Variants in MLXIP observed in about 807,000 individuals in gnomAD.
MLXIP encodes MLX-interacting protein.
MLXIP carries 30 observed loss-of-function variants against 87.2 expected under a neutral mutation model. The observed-to-expected ratio is 0.34, with a 90% CI of 0.26 to 0.47. MLXIP has a LOEUF of 0.47. Among genes scored for constraint, MLXIP ranks in the 20% least tolerant of loss-of-function variants. MLXIP has a pLI of 1.00. For synonymous variants in MLXIP, 530 were observed against 514.0 expected (o/e 1.03, Z -0.42); for missense variants, 1,002 against 1,240.1 (o/e 0.81, Z 2.88).
chr12:122,132,260 G>C (rs376525630), intron 7 of MLXIP, 32 bp from the exon 8 acceptor site: 3 of 1,536,294 alleles, frequency 2.0e-6, no homozygotes, highest in Non-Finnish European at 2.7e-6. Context: ...TGGGCACACT[G>C]AGCTCAGAAG....
At position 122,138,846 on chromosome 12, in the gene MLXIP, G is replaced by A. The variant is rs1953143546; in HGVS notation, c.2416G>A (p.Val806Ile). Residue 806 changes from valine to isoleucine, a missense_variant, in exon 15 of 17, where the codon GTC becomes ATC. Physicochemically the swap from Val to Ile is conservative, Grantham distance 29. Coordinates refer to ENST00000319080, the MANE Select transcript of MLXIP (RefSeq NM_014938.6). ...CCAGCAGCTGCTCCCTGCCACGGGA[G>A]TCCCCGTTACCCGGCGCCAGTTTGA... ...SCQQLLPATG[V>I]PVTRRQFDHM... is the part of the protein sequence containing the mutation. The A allele has an allele frequency of 6.2e-7, 1 of 1,613,894 alleles. No individual in the cohort carries two copies. The highest frequency in any genetic ancestry group is 1.3e-5 in the African/African-American group (1 of 74,952).
chr12:122,138,474 G>C lies in MLXIP; in HGVS notation c.2307G>C (p.Leu769=), dbSNP rs1425599296. ...LQKTVEYITK[L]QQERGQMQEE... ...AGACTGTGGAGTACATCACCAAGCTGCAGCAGGAGAGAGGCCAGATGCAGG... is the reference window on the plus strand; with the variant it reads ...AGACTGTGGAGTACATCACCAAGCTCCAGCAGGAGAGAGGCCAGATGCAGG... Residue 769 remains leucine (L), a synonymous_variant, in exon 14 of 17, where the codon CTG becomes CTC. Coordinates refer to ENST00000319080, the MANE Select transcript of MLXIP (RefSeq NM_014938.6). The C allele has an allele frequency of 1.2e-6, 2 of 1,613,980 alleles. No homozygotes were observed. The highest frequency in any genetic ancestry group is 2.7e-5 in the African/African-American group (2 of 75,074).
intron 1 of MLXIP, among the ~76,000 whole-genome samples, chr12:122,106,358 A>C (rs748124555): frequency 1.4e-4 from 22 of 152,118 alleles, no homozygotes; most frequent in Admixed American, 3.3e-4. Flanking sequence ...TACACTCCAC[A>C]CATGCCTTTG....
In MLXIP at chr12:122,133,579, G is replaced by GCC; in HGVS notation, c.1327_1328dup (p.Pro444HisfsTer10). 6.4e-7 allele frequency: 1 copy of GCC among 1,571,336 alleles called. No homozygotes were observed. The highest frequency in any genetic ancestry group is 1.8e-5 in the Admixed American group (1 of 56,774). On this transcript the variant is annotated frameshift_variant, in exon 9 of 17. Coordinates refer to ENST00000319080, the MANE Select transcript of MLXIP (RefSeq NM_014938.6). LOFTEE classifies it high-confidence loss of function. This position sits in a 1 kb window ranked among gnomAD's most constrained non-coding sequence, Gnocchi z 4.9. ...CATGCCCCTGCTGTCTCCCAGCCCC[G>GCC]CCCCACCGCCCATCTCCCCCGTGTT...
At chr12:122,105,279 C>A (rs1252863349) in intron 1 of MLXIP, among the ~76,000 whole-genome samples, 1 of 152,062 alleles carries the variant, frequency 6.6e-6, no homozygotes, top group African/African-American at 2.4e-5. Context: ...TTTCCTAATG[C>A]CTCTCTCAGT....
intron 1 of MLXIP, among the ~76,000 whole-genome samples, chr12:122,094,430 G>A (rs952672103): frequency 1.2e-4 from 17 of 146,942 alleles, no homozygotes; most frequent in Non-Finnish European, 2.0e-4. Context: ...GGGTGTGGGT[G>A]TGTGTATGCG....
At chr12:122,141,147 C>A in intron 16 of MLXIP, 64 bp downstream of exon 16, 1 of 1,538,294 alleles carries the variant, frequency 6.5e-7, no homozygotes, top group Non-Finnish European at 8.7e-7. Context: ...CAGCCCCAGG[C>A]TGAGGACAGT....
chr12:122,138,955 T>G lies in MLXIP; in HGVS notation c.2508+17T>G. 6.2e-7 allele frequency: 1 copy of G among 1,613,616 alleles called. No homozygotes were observed. ...TTCTGGATTGTATCTTTGGGTTTTC[T>G]TTTTGCTCTTCCCGGCCCTCAGCCA... is the stretch of plus-strand genomic sequence containing the variant. On this transcript the variant is annotated intron_variant, in intron 15 of 16. Transcript: ENST00000319080.
chr12:122,106,773 T>C (rs1255472268), intron 1 of MLXIP, among the ~76,000 whole-genome samples: 1 of 151,970 alleles, frequency 6.6e-6, no homozygotes, highest in African/African-American at 2.4e-5. Flanking sequence ...GGCTAATTTT[T>C]GTATTTTTAG....
At chr12:122,130,337 C>G (rs977839528) in intron 6 of MLXIP, among the ~76,000 whole-genome samples, 2 of 152,006 alleles carry the variant, frequency 1.3e-5, no homozygotes, top group Non-Finnish European at 2.9e-5. Flanking sequence ...CTGCCATTCC[C>G]GTAGTGCCAT....
At chr12:122,102,175 A>G (rs1485555409) in intron 1 of MLXIP, among the ~76,000 whole-genome samples, 10 of 152,204 alleles carry the variant, frequency 6.6e-5, no homozygotes, top group African/African-American at 1.9e-4. Flanking sequence ...ATGGGAGAAC[A>G]TATTGGCAAA....
Position 122,078,982 on chromosome 12 carries a change from C to T in MLXIP, c.129C>T (p.Ala43=). The change falls in exon 1 of 17, where the codon GCC becomes GCT. Residue 43 remains alanine, a synonymous_variant. Coordinates refer to ENST00000319080, the MANE Select transcript of MLXIP (RefSeq NM_014938.6). ...SDTDEPSPPP[A]SGAATPARAH... is the part of the protein sequence containing the mutation. ...CGGATGAGCCGTCCCCGCCGCCCGC[C>T]TCCGGCGCGGCCACCCCGGCCCGGG... The T allele has an allele frequency of 9.2e-7, 1 of 1,090,454 alleles. No homozygotes were observed. The highest frequency in any genetic ancestry group is 1.1e-6 in the Non-Finnish European group (1 of 895,046). The allele number at this position is 1,090,454 out of a possible 1,614,324, so 67.5% of individuals were successfully genotyped here. A position where few individuals can be genotyped will look rare whatever the true frequency, so the allele number is the denominator to read the frequency against.
chr12:122,137,689 C>T lies in MLXIP; in HGVS notation c.2154+99C>T, dbSNP rs1162328080. The T allele has an allele frequency of 2.0e-6, 3 of 1,531,304 alleles. No individual in the cohort carries two copies. The highest frequency in any genetic ancestry group is 2.7e-6 in the Non-Finnish European group (3 of 1,129,358). The allele number at this position is 1,531,304 out of a possible 1,614,324, so 94.9% of individuals were successfully genotyped here. A position where few individuals can be genotyped will look rare whatever the true frequency, so the allele number is the denominator to read the frequency against. ...TCTGGAACGGAGACCTCAGACCCAG[C>T]CAGAGCTGCCCAGGCAGGGGTGGAT... is the stretch of plus-strand genomic sequence containing the variant. On this transcript the variant is annotated intron_variant, in intron 12 of 16. Transcript: ENST00000319080. This position sits in a 1 kb window ranked among gnomAD's most constrained non-coding sequence, Gnocchi z 4.1.
chr12:122,095,861 T>A (rs1952343448), intron 1 of MLXIP, among the ~76,000 whole-genome samples: 2 of 151,884 alleles, frequency 1.3e-5, no homozygotes, highest in Non-Finnish European at 1.5e-5. Context: ...TCCTTATTTT[T>A]ATTTTTATTA....
At chr12:122,101,488 A>G (rs1375636664) in intron 1 of MLXIP, among the ~76,000 whole-genome samples, 1 of 150,836 alleles carries the variant, frequency 6.6e-6, no homozygotes, top group Non-Finnish European at 1.5e-5. Flanking sequence ...TGTATTTAAG[A>G]AATCTTTGCC....
intron 1 of MLXIP, among the ~76,000 whole-genome samples, chr12:122,121,373 C>T (rs1358959256): frequency 1.4e-5 from 2 of 139,082 alleles, no homozygotes; most frequent in Non-Finnish European, 3.0e-5. Context: ...TGGAGTGCAG[C>T]GGCGAGGTCT....
chr12:122,115,624 C>T (rs1179637160), intron 1 of MLXIP, among the ~76,000 whole-genome samples: 5 of 145,842 alleles, frequency 3.4e-5, no homozygotes, highest in Non-Finnish European at 7.4e-5. Context: ...GAGATGACTA[C>T]ACAAATATGT....
chr12:122,135,458 C>A lies in MLXIP; in HGVS notation c.1855-31C>A. ...TGCCGCCCTGCTGTATATCAGCAGT[C>A]AGGGGTGACCTGTCTCCCATGTCAC... On this transcript the variant is annotated intron_variant, in intron 10 of 16. Coordinates refer to ENST00000319080, the MANE Select transcript of MLXIP (RefSeq NM_014938.6). The surrounding 1 kb of genome is among the most constrained non-coding windows in gnomAD (Gnocchi z 5.3). The A allele has an allele frequency of 6.2e-7, 1 of 1,608,716 alleles. No homozygotes were observed. The highest frequency in any genetic ancestry group is 8.5e-7 in the Non-Finnish European group (1 of 1,177,868).
chr12:122,142,471 G>A lies in MLXIP; in HGVS notation c.*659G>A. On this transcript the variant is annotated 3_prime_UTR_variant, in exon 17 of 17. Coordinates refer to ENST00000319080, the MANE Select transcript of MLXIP (RefSeq NM_014938.6). ...ACACACAGGACCAGAATGGAAGCGTGTGATGCACGGTGGCTGCTCTGGCTG... is the reference window on the plus strand; with the variant it reads ...ACACACAGGACCAGAATGGAAGCGTATGATGCACGGTGGCTGCTCTGGCTG... 1 of 371,706 alleles carries A rather than the reference G, an allele frequency of 2.7e-6. No homozygotes were observed. The highest frequency in any genetic ancestry group is 5.3e-6 in the Non-Finnish European group (1 of 187,686). The allele number at this position is 371,706 out of a possible 1,614,324, so 23.0% of individuals were successfully genotyped here.
Sources: allele counts gnomAD v4.1 joint callset (sites outside exome capture counted in the v4.1 genomes callset), GRCh38; gene constraint gnomAD v4.1.1; non-coding constraint Gnocchi (gnomAD v3.1); transcripts MANE v1.5; gene names NCBI Gene and HGNC (gene_info 2026-07-23, HGNC 2026-07-21).